The following TSPAN33 variants were observed in gnomAD, a reference collection of about 807,000 sequenced individuals.
TSPAN33 encodes tetraspanin-33.
TSPAN33 carries 27 observed loss-of-function variants against 34.8 expected under a neutral mutation model. That is an observed-to-expected ratio of 0.78 (90% CI 0.57 to 1.07). The LOEUF (loss-of-function observed/expected upper bound fraction) is 1.07, where lower values mean the gene tolerates loss of function less well. TSPAN33 is among the 50% of genes least tolerant of loss of function. The probability of loss-of-function intolerance (pLI) is 0.00; values close to 1 mark genes in which losing one functional copy is unlikely to be tolerated. For synonymous variants in TSPAN33, 119 were observed against 124.2 expected (o/e 0.96, Z 0.28); for missense variants, 272 against 324.9 (o/e 0.84, Z 1.25).
In TSPAN33 at chr7:129,146,535, G is replaced by A. The variant is rs1031618394; in HGVS notation, c.102+1453G>A. Among the ~76,000 whole-genome samples, 30 of 152,308 alleles carry A rather than the reference G, an allele frequency of 2.0e-4. 1 individual carries two copies. Among genetic ancestry groups the A allele is most frequent in the Non-Finnish European group, 2.9e-5 (2 of 68,032 alleles). ...GACCTTTCTACTGAACCACAGTGCCGCTGGGGGAAGTCCTCAGCACAGATG... is the reference window on the plus strand; with the variant it reads ...GACCTTTCTACTGAACCACAGTGCCACTGGGGGAAGTCCTCAGCACAGATG... On this transcript the variant is annotated intron_variant, in intron 1 of 7. Coordinates refer to ENST00000486685, the MANE Select transcript of TSPAN33 (RefSeq NM_178562.5).
intron 4 of TSPAN33, among the ~76,000 whole-genome samples, chr7:129,163,811 A>G (rs1793092745): frequency 6.6e-6 from 1 of 152,110 alleles, no homozygotes; most frequent in Non-Finnish European, 1.5e-5. Context: ...ACTAAAAAAC[A>G]CCAAAAAAAT....
In TSPAN33 at chr7:129,167,837, T is replaced by C. The variant is rs771193677; in HGVS notation, c.815T>C (p.Leu272Pro). ...ATCAAAGATCAGATCAAGCTACAGC[T>C]CTACAACCAGCAGCACCGGGCTGAC... ...NQIKDQIKLQLYNQQHRADPW... is the reference protein window; with the variant it reads ...NQIKDQIKLQPYNQQHRADPW... The change falls in exon 8 of 8, where the codon CTC becomes CCC. Residue 272 changes from leucine to proline, a missense_variant. Leu to Pro is a moderately conservative substitution (Grantham distance 98). Transcript: ENST00000486685. This position sits in a 1 kb window ranked among gnomAD's most constrained non-coding sequence, Gnocchi z 4.6. 9.3e-6 allele frequency: 15 copies of C among 1,613,996 alleles called. No homozygotes were observed. The South Asian group carries it at 1.5e-4, about 17-fold the overall frequency.
rs537484781 is a variant in TSPAN33 at position 129,144,952 on chromosome 7, C to T, written c.-29C>T. On this transcript the variant is annotated 5_prime_UTR_variant, in exon 1 of 8. Transcript: ENST00000486685. ...CGGCCGGCAGCCGCTGGGAAATAGG[C>T]CCCCGGGGGCGGTGGCGGCGGCGGG... The T allele has an allele frequency of 3.5e-6, 2 of 567,028 alleles. No individual in the cohort carries two copies. The highest frequency in any genetic ancestry group is 7.1e-5 in the Admixed American group (2 of 28,064). 35.1% of individuals were successfully genotyped at this position (567,028 alleles called of 1,614,324 possible).
At chr7:129,162,068 C>T (rs1453113229) in intron 2 of TSPAN33, among the ~76,000 whole-genome samples, 1 of 152,256 alleles carries the variant, frequency 6.6e-6, no homozygotes, top group Non-Finnish European at 1.5e-5. Context: ...TCCTATTTCA[C>T]CACACAAGTC....
chr7:129,161,130 A>G (rs1793043649), intron 1 of TSPAN33, among the ~76,000 whole-genome samples: 2 of 152,232 alleles, frequency 1.3e-5, no homozygotes, highest in Admixed American at 6.5e-5. Context: ...CTTCAGTGCC[A>G]TGGCACAGTC....
chr7:129,164,664 C>T, intron 5 of TSPAN33, 95 bp downstream of exon 5: 1 of 1,173,872 alleles, frequency 8.5e-7, no homozygotes, highest in South Asian at 1.2e-5. Flanking sequence ...CTCTTCATTA[C>T]CTGCCAGGTA....
intron 1 of TSPAN33, among the ~76,000 whole-genome samples, chr7:129,156,624 G>A (rs1013299291): frequency 6.6e-6 from 1 of 152,122 alleles, no homozygotes; most frequent in African/African-American, 2.4e-5. Flanking sequence ...TGCTCAAATT[G>A]TTCTAGCCTT....
chr7:129,154,226 G>A (rs1282937872), intron 1 of TSPAN33, among the ~76,000 whole-genome samples: 2 of 152,118 alleles, frequency 1.3e-5, no homozygotes, highest in African/African-American at 2.4e-5. Flanking sequence ...GGAGGCTGAG[G>A]CAGGAGAATC....
At chr7:129,149,355 C>T (rs907880866) in intron 1 of TSPAN33, among the ~76,000 whole-genome samples, 3 of 152,068 alleles carry the variant, frequency 2.0e-5, no homozygotes, top group Non-Finnish European at 4.4e-5. Flanking sequence ...GTAAGGAGTT[C>T]GAGATCAGCC....
chr7:129,167,695 C>A lies in TSPAN33; in HGVS notation c.751-78C>A. 1.3e-6 allele frequency: 2 copies of A among 1,566,730 alleles called. No homozygotes were observed. The highest frequency in any genetic ancestry group is 1.1e-5 in the South Asian group (1 of 88,984). On this transcript the variant is annotated intron_variant, in intron 7 of 7. Transcript: ENST00000486685. The surrounding 1 kb of genome is among the most constrained non-coding windows in gnomAD (Gnocchi z 4.6). ...GGGTAGGGAAAGGGATAGTGCTGGC[C>A]GCACTGGGAAGATCGAGCCAGGGAA...
At position 129,167,417 on chromosome 7, in the gene TSPAN33, T is replaced by C; in HGVS notation, c.607T>C (p.Cys203Arg). 3.7e-6 allele frequency: 6 copies of C among 1,614,014 alleles called. No individual in the cohort carries two copies. Among genetic ancestry groups the C allele is most frequent in the Non-Finnish European group, 5.1e-6 (6 of 1,179,862 alleles). ...TCCCCAGGCAGTGATCAACACTATGTGTGGCCAAGGTATGCAGGCCTTTGA... is the reference window on the plus strand; with the variant it reads ...TCCCCAGGCAGTGATCAACACTATGCGTGGCCAAGGTATGCAGGCCTTTGA... ...TPDQAVINTM[C>R]GQGMQAFDYL... Residue 203 changes from cysteine (C) to arginine (R), a missense_variant, in exon 7 of 8, where the codon TGT (cysteine) becomes CGT (arginine). Physicochemically the swap from Cys to Arg is radical, Grantham distance 180 (BLOSUM62 -3). Transcript: ENST00000486685. The surrounding 1 kb of genome is among the most constrained non-coding windows in gnomAD (Gnocchi z 4.6).
At chr7:129,164,350 C>T in intron 4 of TSPAN33, 124 bp from the exon 5 acceptor site, 2 of 842,630 alleles carry the variant, frequency 2.4e-6, no homozygotes, top group Non-Finnish European at 3.9e-6. Context: ...ACCATTAGGA[C>T]TCGGTTCTGA....
At chr7:129,145,726 C>T (rs563957122) in intron 1 of TSPAN33, among the ~76,000 whole-genome samples, 16 of 151,922 alleles carry the variant, frequency 1.1e-4, no homozygotes, top group African/African-American at 3.6e-4. Flanking sequence ...CGTGTTGGGC[C>T]GGAGGGCCAG....
intron 1 of TSPAN33, among the ~76,000 whole-genome samples, chr7:129,160,587 T>C (rs1411578654): frequency 6.6e-6 from 1 of 152,228 alleles, no homozygotes; most frequent in Non-Finnish European, 1.5e-5. Context: ...CCAGGAAATT[T>C]GAAAGATCTA....
At position 129,162,818 on chromosome 7, in the gene TSPAN33, CCTG is replaced by C; in HGVS notation, c.289-9_289-7del. ...TGAGTGGTCCTAGACGCCTCTTCTT[CCTG>C]CTGCTCCACAGTTCTCCCTCTGCCT... On this transcript the variant is annotated splice_polypyrimidine_tract_variant and intron_variant, in intron 3 of 7. Coordinates refer to ENST00000486685, the MANE Select transcript of TSPAN33 (RefSeq NM_178562.5). 6.2e-7 allele frequency: 1 copy of C among 1,613,360 alleles called. No homozygotes were observed. The highest frequency in any genetic ancestry group is 2.2e-5 in the East Asian group (1 of 44,880).
intron 1 of TSPAN33, among the ~76,000 whole-genome samples, chr7:129,146,095 C>T (rs1810516764): frequency 6.6e-6 from 1 of 152,060 alleles, no homozygotes; most frequent in Non-Finnish European, 1.5e-5. Flanking sequence ...TGGAGCCCAC[C>T]ATCCTTGCCC....
At chr7:129,157,958 C>G (rs962416978) in intron 1 of TSPAN33, among the ~76,000 whole-genome samples, 1 of 152,202 alleles carries the variant, frequency 6.6e-6, no homozygotes, top group African/African-American at 2.4e-5. Flanking sequence ...ACAGGTTTCA[C>G]CGGGCTAAAA....
chr7:129,164,794 G>T, intron 5 of TSPAN33: 1 of 462,410 alleles, frequency 2.2e-6, no homozygotes, highest in Non-Finnish European at 4.0e-6. Context: ...TTACCTACAG[G>T]GGGTGAGGAA....
rs1793178308 is a variant in TSPAN33 at position 129,168,526 on chromosome 7, CG to C, written c.*656del. 6.6e-6 allele frequency: 1 copy of C among 151,622 alleles called. No individual in the cohort carries two copies. Among genetic ancestry groups the C allele is most frequent in the Non-Finnish European group, 1.5e-5 (1 of 67,838 alleles). The allele number at this position is 151,622 out of a possible 1,614,324, so 9.4% of individuals were successfully genotyped here. ...CCATGGAAACATGGCAGCTAGGACA[CG>C]GGGTACAACAGCAGCCAAATTCTTC... On this transcript the variant is annotated 3_prime_UTR_variant, in exon 8 of 8. Transcript: ENST00000486685.
Sources: gnomAD v4.1 joint callset for allele counts (sites outside exome capture counted in the v4.1 genomes callset) on GRCh38, gnomAD v4.1.1 for gene constraint, Gnocchi (gnomAD v3.1) non-coding constraint, MANE v1.5 for transcripts, NCBI Gene and HGNC (gene_info 2026-07-23, HGNC 2026-07-21) for gene names.